Variants in ERBB4 observed in about 807,000 individuals in gnomAD.
The protein encoded by ERBB4 is erb-b2 receptor tyrosine kinase 4, also known as receptor tyrosine-protein kinase erbB-4.
A neutral mutation model predicts 158.0 loss-of-function variants in ERBB4; 42 were observed. The observed-to-expected ratio is 0.27, with a 90% CI of 0.21 to 0.34. The LOEUF (loss-of-function observed/expected upper bound fraction) is 0.34, where lower values mean the gene tolerates loss of function less well. Ranked by LOEUF, ERBB4 falls within the 10% of genes least tolerant of loss-of-function variation. ERBB4 has a pLI of 1.00. For missense variants in ERBB4, 1,333 were observed against 1,624.1 expected (o/e 0.82, Z 3.08); for synonymous variants, 583 against 558.7 (o/e 1.04, Z -0.61).
At chr2:211,489,556 G>T (rs2065287230) in intron 20 of ERBB4, among the ~76,000 whole-genome samples, 1 of 151,844 alleles carries the variant, frequency 6.6e-6, no homozygotes, top group Non-Finnish European at 1.5e-5. Flanking sequence ...TTCATTTTCT[G>T]TTTAGTAGCC....
chr2:211,991,805 T>A (rs2082080458), intron 2 of ERBB4, among the ~76,000 whole-genome samples: 1 of 152,148 alleles, frequency 6.6e-6, no homozygotes. Context: ...CATTTTCACA[T>A]GTGCCTGGCG....
chr2:211,951,303 A>G (rs1183296174), intron 2 of ERBB4, among the ~76,000 whole-genome samples: 1 of 152,170 alleles, frequency 6.6e-6, no homozygotes, highest in Non-Finnish European at 1.5e-5. Context: ...TTTGTAAAAG[A>G]GTAACATTAA....
intron 1 of ERBB4, among the ~76,000 whole-genome samples, chr2:212,467,935 A>G (rs1688921147): frequency 1.3e-5 from 2 of 152,218 alleles, no homozygotes; most frequent in Non-Finnish European, 2.9e-5. Flanking sequence ...CTCTTGCATC[A>G]GCATGACCTG....
At chr2:212,441,990 G>A (rs773779456) in intron 1 of ERBB4, among the ~76,000 whole-genome samples, 4 of 152,170 alleles carry the variant, frequency 2.6e-5, no homozygotes, top group Non-Finnish European at 5.9e-5. Context: ...TCAGATCTAA[G>A]AGTGGGAACC....
At chr2:211,733,239 C>T (rs189116674) in intron 5 of ERBB4, among the ~76,000 whole-genome samples, 2 of 152,178 alleles carry the variant, frequency 1.3e-5, no homozygotes, top group African/African-American at 4.8e-5. Flanking sequence ...TTATAAACTA[C>T]ACACTTGGTC....
chr2:212,531,258 A>G (rs1692740813), intron 1 of ERBB4, among the ~76,000 whole-genome samples: 1 of 152,198 alleles, frequency 6.6e-6, no homozygotes, highest in Non-Finnish European at 1.5e-5. Flanking sequence ...ATCATGCCCA[A>G]GACGGCTGAG....
intron 2 of ERBB4, among the ~76,000 whole-genome samples, chr2:212,048,460 C>T (rs1012974076): frequency 1.3e-5 from 2 of 152,076 alleles, no homozygotes; most frequent in African/African-American, 4.8e-5. Flanking sequence ...TTGGGTTATG[C>T]TTTGGAAGGT....
intron 2 of ERBB4, among the ~76,000 whole-genome samples, chr2:212,068,082 T>C (rs1168726217): frequency 6.6e-6 from 1 of 152,056 alleles, no homozygotes; most frequent in African/African-American, 2.4e-5. Flanking sequence ...GGCTGAGGAA[T>C]AAACTCCAAA....
intron 19 of ERBB4, among the ~76,000 whole-genome samples, chr2:211,584,571 A>G (rs2068206418): frequency 6.6e-6 from 1 of 152,068 alleles, no homozygotes; most frequent in Non-Finnish European, 1.5e-5. Flanking sequence ...AGATCAAAAT[A>G]TATTTTGAGT....
At chr2:211,920,667 T>G (rs1397454106) in intron 3 of ERBB4, among the ~76,000 whole-genome samples, 3 of 151,548 alleles carry the variant, frequency 2.0e-5, no homozygotes. Context: ...AAAAAGCCAG[T>G]AGCTGATATT....
rs142048678 is a variant in ERBB4, at chr2:211,649,485, C to T, written c.1946+8269G>A. On this transcript the variant is annotated intron_variant, in intron 16 of 27. Coordinates refer to ENST00000342788, the MANE Select transcript of ERBB4 (RefSeq NM_005235.3). ...GTCCTTTCTTTCCTGGTGTGTAGAA[C>T]AATATAGCTATTCTCTCTGGGATTT... Among the ~76,000 whole-genome samples, 42 of 151,896 alleles carry T rather than the reference C, an allele frequency of 2.8e-4. No homozygotes were observed. In the East Asian group the frequency reaches 7.9e-3, roughly 29 times the overall value.
intron 9 of ERBB4, among the ~76,000 whole-genome samples, chr2:211,706,153 A>C: frequency 6.6e-6 from 1 of 152,176 alleles, no homozygotes; most frequent in East Asian, 1.9e-4. Flanking sequence ...TACCATTTAC[A>C]GAGAGATTAA....
chr2:211,553,302 C>G (rs540858465), intron 20 of ERBB4, among the ~76,000 whole-genome samples: 3 of 152,112 alleles, frequency 2.0e-5, no homozygotes, highest in South Asian at 2.1e-4. Context: ...AAATTAGAAG[C>G]CAAGTTAAGA....
intron 1 of ERBB4, among the ~76,000 whole-genome samples, chr2:212,502,233 T>C (rs1435825477): frequency 1.3e-5 from 2 of 152,114 alleles, no homozygotes; most frequent in African/African-American, 4.8e-5. Flanking sequence ...GCTCTGGTGT[T>C]GAAGTAAGCT....
At chr2:211,660,655 G>A (rs2071392412) in intron 15 of ERBB4, among the ~76,000 whole-genome samples, 1 of 152,124 alleles carries the variant, frequency 6.6e-6, no homozygotes, top group African/African-American at 2.4e-5. Flanking sequence ...GGGGAAAGAA[G>A]GCATGAGTAT....
At position 211,907,071 on chromosome 2, in the gene ERBB4, A is replaced by G. The variant is rs369264885; in HGVS notation, c.421+40359T>C. Among the ~76,000 whole-genome samples the G allele has an allele frequency of 3.3e-5, 5 of 151,916 alleles. No homozygotes were observed. In the South Asian group the frequency reaches 6.2e-4, roughly 19 times the overall value. ...TCTAACATAACAGAGTTGTCCTACC[A>G]GCTTTGCTCATCTACATCAGCGAGA... On this transcript the variant is annotated intron_variant, in intron 3 of 27. Coordinates refer to ENST00000342788, the MANE Select transcript of ERBB4 (RefSeq NM_005235.3).
At chr2:211,700,067 T>C (rs886176658) in intron 12 of ERBB4, among the ~76,000 whole-genome samples, 1 of 152,166 alleles carries the variant, frequency 6.6e-6, no homozygotes, top group African/African-American at 2.4e-5. Context: ...CTTTACATTA[T>C]TTTGAATTCA....
chr2:211,515,334 G>A (rs1360812768), intron 20 of ERBB4, among the ~76,000 whole-genome samples: 1 of 152,064 alleles, frequency 6.6e-6, no homozygotes, highest in Non-Finnish European at 1.5e-5. Flanking sequence ...AGAACACACT[G>A]TTGGATGAAT....
At chr2:212,059,535 T>C (rs576313996) in intron 2 of ERBB4, among the ~76,000 whole-genome samples, 3 of 152,150 alleles carry the variant, frequency 2.0e-5, no homozygotes, top group Non-Finnish European at 1.5e-5. Context: ...CTACCTGATG[T>C]CAAACTATAC....
Sources: allele counts gnomAD v4.1 joint callset (sites outside exome capture counted in the v4.1 genomes callset), GRCh38; gene constraint gnomAD v4.1.1; transcripts MANE v1.5; gene names NCBI Gene and HGNC (gene_info 2026-07-23, HGNC 2026-07-21).